Variants in ERI3 observed in about 807,000 individuals in gnomAD.
ERI3 encodes ERI1 exoribonuclease 3.
ERI3 carries 18 observed loss-of-function variants against 44.4 expected under a neutral mutation model. The ratio of observed to expected loss-of-function variants is 0.41; its 90% CI spans 0.28 to 0.60. ERI3 has a LOEUF of 0.60. Ranked by LOEUF, ERI3 falls within the 20% of genes least tolerant of loss-of-function variation. ERI3 has a pLI of 0.36. For missense variants in ERI3, 294 were observed against 435.5 expected (o/e 0.68, Z 2.89); for synonymous variants, 183 against 164.8 (o/e 1.11, Z -0.84).
Position 44,247,969 on chromosome 1 carries a change from G to C in ERI3, c.901C>G (p.Gln301Glu). ...LLDMNKGLSL[Q>E]HIGRPHSGID... ...CCGCTGTGGGGCCGGCCTATGTGTT[G>C]CAGGCTGAGGCCCTTGTTCATGTCT... The change falls in exon 8 of 9, where the codon CAA becomes GAA. Residue 301 changes from glutamine (Q) to glutamate (E), a missense_variant. By Grantham distance (29) the Gln-to-Glu change is conservative. This residue lies in a region of ERI3 where 187 missense variants were observed against 338.6 expected (regional missense o/e 0.55). Transcript: ENST00000372257. 1 of 1,612,712 alleles carries C rather than the reference G, an allele frequency of 6.2e-7. No homozygotes were observed. The highest frequency in any genetic ancestry group is 8.5e-7 in the Non-Finnish European group (1 of 1,179,412).
At chr1:44,297,034 T>TA (rs1645625378) in intron 6 of ERI3, among the ~76,000 whole-genome samples, 1 of 152,080 alleles carries the variant, frequency 6.6e-6, no homozygotes, top group South Asian at 2.1e-4. Flanking sequence ...TGGTGTCACA[T>TA]TGCTGTCACT....
intron 6 of ERI3, among the ~76,000 whole-genome samples, chr1:44,290,293 T>C (rs1645478535): frequency 6.6e-6 from 1 of 152,094 alleles, no homozygotes; most frequent in Non-Finnish European, 1.5e-5. Flanking sequence ...TTCAAAGTCA[T>C]CATGGGACCA....
At chr1:44,304,502 G>C (rs1645793474) in intron 6 of ERI3, among the ~76,000 whole-genome samples, 1 of 152,198 alleles carries the variant, frequency 6.6e-6, no homozygotes, top group Non-Finnish European at 1.5e-5. Flanking sequence ...GTAGTCAGCT[G>C]TTGAGCAATG....
intron 7 of ERI3, among the ~76,000 whole-genome samples, chr1:44,248,849 G>T (rs571997419): frequency 6.6e-6 from 1 of 151,954 alleles, no homozygotes; most frequent in Non-Finnish European, 1.5e-5. Flanking sequence ...TGGGGGCATC[G>T]ATCTGCTCAG....
chr1:44,271,853 G>A (rs1019743619), intron 7 of ERI3, among the ~76,000 whole-genome samples: 1 of 152,192 alleles, frequency 6.6e-6, no homozygotes, highest in Non-Finnish European at 1.5e-5. Flanking sequence ...GATGGCAGCT[G>A]GAATCAAGGG....
intron 6 of ERI3, among the ~76,000 whole-genome samples, chr1:44,285,132 C>G (rs1572187446): frequency 6.6e-6 from 1 of 152,206 alleles, no homozygotes; most frequent in African/African-American, 2.4e-5. Flanking sequence ...CCCAAAAATT[C>G]TTTCCAAAAT....
At chr1:44,347,063 G>A (rs115414061) in intron 2 of ERI3, among the ~76,000 whole-genome samples, 84 of 152,212 alleles carry the variant, frequency 5.5e-4, no homozygotes, top group African/African-American at 1.8e-3. Flanking sequence ...CTAAGGGCTC[G>A]GAGGTGCTCA....
chr1:44,313,287 G>C, intron 4 of ERI3, 59 bp from the exon 5 acceptor site: 3 of 1,491,220 alleles, frequency 2.0e-6, no homozygotes, highest in East Asian at 4.5e-5. Context: ...ACTCAAGGCT[G>C]AACAGGACCC....
chr1:44,302,070 G>A (rs1041111264), intron 6 of ERI3, among the ~76,000 whole-genome samples: 2 of 152,194 alleles, frequency 1.3e-5, no homozygotes, highest in Non-Finnish European at 2.9e-5. Context: ...ACCTGTCCCT[G>A]TCGGCCAATC....
At chr1:44,258,655 G>A (rs1344273716) in intron 7 of ERI3, among the ~76,000 whole-genome samples, 1 of 152,152 alleles carries the variant, frequency 6.6e-6, no homozygotes, top group Non-Finnish European at 1.5e-5. Context: ...AAGGAAATCA[G>A]CAAGAAGGAC....
rs545211294 is a variant in ERI3 at position 44,225,453 on chromosome 1, C to T, written c.932-3813G>A. ...AGGCTAACCTGTTTTTATGTTTCTG[C>T]AGGATCATCAATTTGTGACAAGATG... On this transcript the variant is annotated intron_variant, in intron 8 of 8. Transcript: ENST00000372257. Among the ~76,000 whole-genome samples, 15 of 152,266 alleles carry T rather than the reference C, an allele frequency of 9.9e-5. No homozygotes were observed. The South Asian group carries it at 2.3e-3, about 23-fold the overall frequency.
At chr1:44,301,859 G>C (rs1437952740) in intron 6 of ERI3, among the ~76,000 whole-genome samples, 1 of 152,228 alleles carries the variant, frequency 6.6e-6, no homozygotes. Context: ...CCACATAGGT[G>C]GTTGTAGGCC....
chr1:44,322,793 G>T (rs1231371064), intron 3 of ERI3: 1 of 1,550,284 alleles, frequency 6.5e-7, no homozygotes, highest in East Asian at 2.4e-5. Context: ...AAACAGCCCA[G>T]TAGTGGGAGA....
Position 44,355,044 on chromosome 1 carries a change from G to C in ERI3, c.-18C>G, listed in dbSNP as rs534963565. The C allele has an allele frequency of 7.3e-7, 1 of 1,371,108 alleles. No individual in the cohort carries two copies. The highest frequency in any genetic ancestry group is 9.5e-7 in the Non-Finnish European group (1 of 1,057,906). 84.9% of individuals were successfully genotyped at this position (1,371,108 alleles called of 1,614,324 possible). A position where few individuals can be genotyped will look rare whatever the true frequency, so the allele number is the denominator to read the frequency against. ...GTCGCCATGGCAACGCCCCCTCCTC[G>C]GGGCCAGCGCGGCAGGCTCCCTCCA... On this transcript the variant is annotated 5_prime_UTR_variant, in exon 1 of 9. Coordinates refer to ENST00000372257, the MANE Select transcript of ERI3 (RefSeq NM_024066.3).
intron 1 of ERI3, chr1:44,353,657 A>G (rs1304258589): frequency 2.3e-5 from 23 of 985,478 alleles, no homozygotes; most frequent in Non-Finnish European, 2.8e-5. Flanking sequence ...TTTTAAAATG[A>G]AAGGGAATAA....
At chr1:44,346,694 T>G (rs188049018) in intron 2 of ERI3, among the ~76,000 whole-genome samples, 1 of 152,222 alleles carries the variant, frequency 6.6e-6, no homozygotes, top group African/African-American at 2.4e-5. Flanking sequence ...GGTCCCAAGA[T>G]GGGGAACTGC....
intron 8 of ERI3, among the ~76,000 whole-genome samples, chr1:44,234,957 G>A (rs1021122361): frequency 6.6e-6 from 1 of 152,102 alleles, no homozygotes; most frequent in Non-Finnish European, 1.5e-5. Context: ...TTCTGGTACT[G>A]ATAACTGTAT....
chr1:44,261,138 G>A (rs1474223622), intron 7 of ERI3, among the ~76,000 whole-genome samples: 1 of 152,224 alleles, frequency 6.6e-6, no homozygotes, highest in Non-Finnish European at 1.5e-5. Flanking sequence ...GACTTGAAAA[G>A]GGTGCTAAAA....
Position 44,355,244 on chromosome 1 carries a change from C to A in ERI3, c.-218G>T, listed in dbSNP as rs1238380522. The A allele has an allele frequency of 3.4e-6, 4 of 1,175,576 alleles. No homozygotes were observed. Among genetic ancestry groups the A allele is most frequent in the Non-Finnish European group, 4.2e-6 (4 of 952,080 alleles). 72.8% of individuals were successfully genotyped at this position (1,175,576 alleles called of 1,614,324 possible). On this transcript the variant is annotated 5_prime_UTR_variant, in exon 1 of 9. Coordinates refer to ENST00000372257, the MANE Select transcript of ERI3 (RefSeq NM_024066.3). ...AGCGGCAGCCAGCACCACGAGTCCA[C>A]AACACACCGACTCACCTCCGCGCAC...
Sources: allele counts gnomAD v4.1 joint callset (sites outside exome capture counted in the v4.1 genomes callset), GRCh38; gene constraint gnomAD v4.1.1; regional missense constraint gnomAD v4.1.1; transcripts MANE v1.5; gene names NCBI Gene and HGNC (gene_info 2026-07-23, HGNC 2026-07-21).